Variants in VEPH1 observed in about 807,000 individuals in gnomAD.
VEPH1 encodes the protein ventricular zone-expressed PH domain-containing protein homolog 1.
In VEPH1, 80 loss-of-function variants were observed where a neutral mutation model predicts 85.2. That is an observed-to-expected ratio of 0.94 (90% confidence interval 0.78 to 1.13). The LOEUF (loss-of-function observed/expected upper bound fraction) is 1.13. VEPH1 is among the 50% of genes most tolerant of loss of function. The pLI is 0.00. For missense variants in VEPH1, 955 were observed against 980.5 expected (o/e 0.97, Z 0.35); for synonymous variants, 297 against 348.0 (o/e 0.85, Z 1.63).
At chr3:157,499,620 C>G (rs1739948178) in intron 1 of VEPH1, 1 of 152,200 alleles carries the variant, frequency 6.6e-6, no homozygotes, top group Non-Finnish European at 1.5e-5. Context: ...CTGCACCTCA[C>G]CCAGCGGAGT....
intron 12 of VEPH1, 29 bp downstream of exon 12, chr3:157,286,528 G>A: frequency 6.3e-7 from 1 of 1,579,750 alleles, no homozygotes; most frequent in Non-Finnish European, 8.7e-7. Flanking sequence ...GGCACAAATG[G>A]TTCTTAGCAG....
At chr3:157,266,083 C>T (rs1416202890) in intron 12 of VEPH1, among the ~76,000 whole-genome samples, 4 of 147,802 alleles carry the variant, frequency 2.7e-5, no homozygotes, top group Non-Finnish European at 4.5e-5. Flanking sequence ...TTGCCAGTAA[C>T]TAGGTAATAA....
At chr3:157,357,038 ATAC>A (rs1270098895) in intron 9 of VEPH1, among the ~76,000 whole-genome samples, 6 of 152,208 alleles carry the variant, frequency 3.9e-5, no homozygotes, top group Admixed American at 2.6e-4. Context: ...CTTAATAATA[ATAC>A]ATTTCAAAAA....
intron 4 of VEPH1, among the ~76,000 whole-genome samples, chr3:157,433,617 G>T (rs139446815): frequency 7.2e-4 from 110 of 152,226 alleles, no homozygotes; most frequent in African/African-American, 2.4e-3. Context: ...TATGCATATT[G>T]CTGTGTTTGG....
intron 5 of VEPH1, among the ~76,000 whole-genome samples, chr3:157,425,345 A>G (rs993866862): frequency 8.5e-5 from 13 of 152,314 alleles, no homozygotes; most frequent in African/African-American, 2.9e-4. Context: ...GCAGAAGGGA[A>G]ACGTGGGGTC....
chr3:157,472,576 C>G (rs1480126647), intron 2 of VEPH1, among the ~76,000 whole-genome samples: 1 of 152,014 alleles, frequency 6.6e-6, no homozygotes, highest in South Asian at 2.1e-4. Context: ...TTTAGGTAAA[C>G]TCGTGTCATG....
intron 11 of VEPH1, among the ~76,000 whole-genome samples, chr3:157,296,960 G>T (rs1399897552): frequency 6.6e-6 from 1 of 152,138 alleles, no homozygotes; most frequent in Non-Finnish European, 1.5e-5. Context: ...GTAAACTGTG[G>T]AGAAATAATA....
At position 157,381,240 on chromosome 3, in the gene VEPH1, T is replaced by A. The variant is rs1444337314; in HGVS notation, c.1043A>T (p.Asp348Val). 1.2e-6 allele frequency: 2 copies of A among 1,614,064 alleles called. No individual in the cohort carries two copies. The highest frequency in any genetic ancestry group is 2.2e-5 in the East Asian group (1 of 44,880). The change falls in exon 7 of 14, where the codon GAC (aspartate) becomes GTC (valine). Residue 348 changes from aspartate (D) to valine (V), a missense_variant. Coordinates refer to ENST00000362010, the MANE Select transcript of VEPH1 (RefSeq NM_001167912.2). Reference sequence around the variant, plus strand: ...GAAGCTGTTGCTCATGCGGAAGATGTCTCTGCTCTGAGGGCCCAAGATTGA... The same window carrying A: ...GAAGCTGTTGCTCATGCGGAAGATGACTCTGCTCTGAGGGCCCAAGATTGA... ...FSSILGPQSR[D>V]IFRMSNSFTA...
intron 9 of VEPH1, among the ~76,000 whole-genome samples, chr3:157,326,721 C>T (rs1721946779): frequency 6.6e-6 from 1 of 152,144 alleles, no homozygotes; most frequent in Non-Finnish European, 1.5e-5. Flanking sequence ...TCCTGACTTC[C>T]CTCACATTTG....
At chr3:157,372,535 T>G (rs1391414102) in intron 7 of VEPH1, among the ~76,000 whole-genome samples, 1 of 152,244 alleles carries the variant, frequency 6.6e-6, no homozygotes, top group African/African-American at 2.4e-5. Context: ...ATCTCAACCA[T>G]GGCCACACTG....
intron 9 of VEPH1, among the ~76,000 whole-genome samples, chr3:157,355,729 T>G (rs933713241): frequency 6.6e-6 from 1 of 152,212 alleles, no homozygotes; most frequent in African/African-American, 2.4e-5. Context: ...AGAAACAGAA[T>G]CACACTCTCA....
At chr3:157,500,357 G>A (rs1186836970) in intron 1 of VEPH1, among the ~76,000 whole-genome samples, 1 of 152,148 alleles carries the variant, frequency 6.6e-6, no homozygotes. Context: ...ATGTGTACAG[G>A]CAGCTATCCT....
intron 2 of VEPH1, among the ~76,000 whole-genome samples, chr3:157,474,093 T>C (rs1737224234): frequency 6.6e-6 from 1 of 152,172 alleles, no homozygotes; most frequent in Admixed American, 6.5e-5. Flanking sequence ...ATCAATTTTA[T>C]GCTAAGTCCA....
At chr3:157,488,630 C>T (rs1281286346) in intron 2 of VEPH1, among the ~76,000 whole-genome samples, 1 of 151,494 alleles carries the variant, frequency 6.6e-6, no homozygotes, top group African/African-American at 2.4e-5. Context: ...CACTCACTCC[C>T]TTGGTGATCT....
chr3:157,381,084 G>T (rs1460617810), intron 7 of VEPH1, 72 bp downstream of exon 7: 1 of 1,491,836 alleles, frequency 6.7e-7, no homozygotes, highest in East Asian at 2.3e-5. Context: ...AAGTTAGAGA[G>T]GCTTAACTGT....
chr3:157,437,925 A>C, intron 4 of VEPH1: 1 of 1,528,226 alleles, frequency 6.5e-7, no homozygotes, highest in African/African-American at 1.4e-5. Context: ...GTAAGGAGGC[A>C]AGCGGGGCCG....
chr3:157,437,064 G>GT (rs749969879), intron 4 of VEPH1: 26 of 1,613,516 alleles, frequency 1.6e-5, no homozygotes, highest in East Asian at 4.5e-5. Context: ...ACTGAGGACC[G>GT]TAAGTTCACT....
chr3:157,411,023 A>G (rs1731491341), intron 6 of VEPH1, among the ~76,000 whole-genome samples: 1 of 152,126 alleles, frequency 6.6e-6, no homozygotes, highest in African/African-American at 2.4e-5. Context: ...GCTTTAGTCT[A>G]TTTAGCTAAT....
intron 2 of VEPH1, among the ~76,000 whole-genome samples, chr3:157,478,498 T>C (rs1737708362): frequency 6.6e-6 from 1 of 152,128 alleles, no homozygotes; most frequent in African/African-American, 2.4e-5. Context: ...GAGATGTTTG[T>C]CTGAATGAAA....
Sources: gnomAD v4.1 joint callset for allele counts (sites outside exome capture counted in the v4.1 genomes callset) on GRCh38, gnomAD v4.1.1 for gene constraint, MANE v1.5 for transcripts, NCBI Gene and HGNC (gene_info 2026-07-23, HGNC 2026-07-21) for gene names.